The following SAMD4B variants were observed in gnomAD, a reference collection of about 807,000 sequenced individuals.
The protein encoded by SAMD4B is sterile alpha motif domain containing 4B, also known as protein Smaug homolog 2.
SAMD4B carries 5 observed loss-of-function variants against 74.5 expected under a neutral mutation model. That is an observed-to-expected ratio of 0.07 (90% confidence interval 0.04 to 0.14). SAMD4B has a LOEUF of 0.14. SAMD4B is among the 10% of genes least tolerant of loss of function. SAMD4B has a pLI of 1.00. For synonymous variants in SAMD4B, 373 were observed against 374.9 expected (o/e 1.00, Z 0.06); for missense variants, 608 against 921.8 (o/e 0.66, Z 4.41).
At chr19:39,377,460 C>T in intron 7 of SAMD4B, 25 bp from the exon 8 acceptor site, 5 of 1,535,260 alleles carry the variant, frequency 3.3e-6, no homozygotes, top group Non-Finnish European at 4.4e-6. Flanking sequence ...CTGCATGTGA[C>T]CCCAGCCTGT....
intron 1 of SAMD4B, among the ~76,000 whole-genome samples, chr19:39,346,033 A>C (rs1279736052): frequency 6.6e-6 from 1 of 152,010 alleles, no homozygotes; most frequent in African/African-American, 2.4e-5. Flanking sequence ...AGCCCCTCTC[A>C]GCTGCTAAGT....
chr19:39,389,300 T>C (rs1433937056), downstream of SAMD4B: 6 of 1,613,380 alleles, frequency 3.7e-6, no homozygotes, highest in African/African-American at 1.3e-5. The surrounding 1 kb of genome is among the most constrained non-coding windows in gnomAD (Gnocchi z 5.3). Context: ...AGGCTTCTCA[T>C]TGGAGATGCC....
downstream of SAMD4B, among the ~76,000 whole-genome samples, chr19:39,387,783 G>C (rs1341542333): frequency 6.6e-6 from 1 of 152,222 alleles, no homozygotes; most frequent in Non-Finnish European, 1.5e-5. Flanking sequence ...CATGAAGTCT[G>C]TTACTAATAC....
intron 1 of SAMD4B, among the ~76,000 whole-genome samples, chr19:39,344,423 A>G (rs978311605): frequency 2.0e-5 from 3 of 152,118 alleles, no homozygotes; most frequent in Non-Finnish European, 1.5e-5. Flanking sequence ...CAGTCTCAGA[A>G]GACCACACCT....
In SAMD4B at chr19:39,383,777, C is replaced by A. The variant is rs1393447962; in HGVS notation, c.*250C>A. On this transcript the variant is annotated 3_prime_UTR_variant, in exon 14 of 14. Transcript: ENST00000610417. This position sits in a 1 kb window ranked among gnomAD's most constrained non-coding sequence, Gnocchi z 4.1. ...CCAGGATAAAGGGGGCAGGGACTGG[C>A]CAGACTGCCTGCCTCTCTCCTTTCC... 7 of 1,422,004 alleles carry A rather than the reference C, an allele frequency of 4.9e-6. No homozygotes were observed. Among genetic ancestry groups the A allele is most frequent in the Non-Finnish European group, 6.7e-6 (7 of 1,047,824 alleles). 88.1% of individuals were successfully genotyped at this position (1,422,004 alleles called of 1,614,324 possible).
chr19:39,377,896 A>T (rs553216568), intron 8 of SAMD4B, 72 bp downstream of exon 8: 2 of 1,418,718 alleles, frequency 1.4e-6, no homozygotes, highest in Admixed American at 2.1e-5. Flanking sequence ...CAGGGATCAA[A>T]TCCAAGTTCG....
intron 10 of SAMD4B, among the ~76,000 whole-genome samples, chr19:39,380,307 A>G (rs1186221499): frequency 6.6e-6 from 1 of 152,220 alleles, no homozygotes; most frequent in Non-Finnish European, 1.5e-5. Flanking sequence ...CCTCGCCTGT[A>G]TGCAGAGGGC....
Position 39,375,771 on chromosome 19 carries a change from C to G in SAMD4B, c.789C>G (p.Thr263=), listed in dbSNP as rs1024448088. 1 of 1,614,020 alleles carries G rather than the reference C, an allele frequency of 6.2e-7. No individual in the cohort carries two copies. Among genetic ancestry groups the G allele is most frequent in the Non-Finnish European group, 8.5e-7 (1 of 1,180,036 alleles). Residue 263 remains threonine (T), a synonymous_variant, in exon 5 of 14, where the codon ACC becomes ACG. Transcript: ENST00000610417. This position sits in a 1 kb window ranked among gnomAD's most constrained non-coding sequence, Gnocchi z 4.1. The part of the protein sequence containing the change: ...PEELGARAAF[T]TPDHAPLSPQ... ...AGCTTGGGGCCCGGGCTGCTTTTAC[C>G]ACGCCCGATCACGCACCTCTCTCGC...
In SAMD4B at chr19:39,383,477, C is replaced by G. The variant is rs2078127736; in HGVS notation, c.2057-22C>G. On this transcript the variant is annotated intron_variant, in intron 13 of 13. Transcript: ENST00000610417. The surrounding 1 kb of genome is among the most constrained non-coding windows in gnomAD (Gnocchi z 4.1). ...TCCCTCCAGCTCCTGATCTTCCTCCCTTCCTCCCTTTCTTACCACAGATGG... is the reference window on the plus strand; with the variant it reads ...TCCCTCCAGCTCCTGATCTTCCTCCGTTCCTCCCTTTCTTACCACAGATGG... The G allele has an allele frequency of 6.2e-7, 1 of 1,613,076 alleles. No homozygotes were observed. The highest frequency in any genetic ancestry group is 8.5e-7 in the Non-Finnish European group (1 of 1,179,036).
Position 39,375,584 on chromosome 19 carries a change from AG to A in SAMD4B, c.668-61del, listed in dbSNP as rs1368838477. The stretch of plus-strand genomic sequence containing the variant: ...AAACTGCCATCCTGGCACTGACGGC[AG>A]GGGGATGGTCTCCTGTGGTTGGGTC... On this transcript the variant is annotated intron_variant, in intron 4 of 13. Transcript: ENST00000610417. The surrounding 1 kb of genome is among the most constrained non-coding windows in gnomAD (Gnocchi z 4.1). 6 of 1,559,732 alleles carry A rather than the reference AG, an allele frequency of 3.8e-6. No homozygotes were observed. The East Asian group carries it at 1.4e-4, about 35-fold the overall frequency.
intron 3 of SAMD4B, among the ~76,000 whole-genome samples, chr19:39,360,399 A>G (rs1220460662): frequency 2.0e-5 from 3 of 152,186 alleles, no homozygotes; most frequent in Non-Finnish European, 4.4e-5. Context: ...CCATAGCCCC[A>G]TATCAGATGG....
At chr19:39,376,312 C>A in intron 5 of SAMD4B, 125 bp from the exon 6 acceptor site, 1 of 730,800 alleles carries the variant, frequency 1.4e-6, no homozygotes, top group Non-Finnish European at 2.3e-6. Context: ...CCTTAGCTCC[C>A]CCCAACCCCC....
intron 1 of SAMD4B, among the ~76,000 whole-genome samples, chr19:39,342,853 C>T (rs1454743240): frequency 6.6e-6 from 1 of 151,854 alleles, no homozygotes; most frequent in Non-Finnish European, 1.5e-5. Flanking sequence ...GGCCGGGGGC[C>T]TCTCCTCAGG....
intron 1 of SAMD4B, among the ~76,000 whole-genome samples, chr19:39,353,500 T>A (rs1053970322): frequency 1.3e-5 from 2 of 152,172 alleles, no homozygotes; most frequent in Non-Finnish European, 2.9e-5. Context: ...GGCTTTTTTT[T>A]AATTTAAAAA....
chr19:39,388,615 A>G (rs114633094), downstream of SAMD4B: 138 of 1,614,036 alleles, frequency 8.6e-5, no homozygotes, highest in African/African-American at 1.3e-3. Context: ...CGTTTCTTCA[A>G]CGTCTCTTCT....
At chr19:39,344,874 T>G (rs1441846848) in intron 1 of SAMD4B, among the ~76,000 whole-genome samples, 1 of 152,176 alleles carries the variant, frequency 6.6e-6, no homozygotes, top group Non-Finnish European at 1.5e-5. Flanking sequence ...CAAGAGACCC[T>G]TAACACCCTC....
chr19:39,357,909 G>T (rs1026164585), intron 3 of SAMD4B, among the ~76,000 whole-genome samples: 1 of 152,226 alleles, frequency 6.6e-6, no homozygotes, highest in African/African-American at 2.4e-5. Flanking sequence ...TTCTTCTTCA[G>T]AATAATAGTT....
intron 9 of SAMD4B, among the ~76,000 whole-genome samples, chr19:39,379,590 A>C (rs983733828): frequency 1.3e-5 from 2 of 152,018 alleles, no homozygotes; most frequent in Non-Finnish European, 2.9e-5. Context: ...TTTTTTTTGG[A>C]AACAGAGTCT....
downstream of SAMD4B, chr19:39,389,260 T>A: frequency 1.2e-6 from 2 of 1,610,886 alleles, no homozygotes; most frequent in Non-Finnish European, 1.7e-6. This position sits in a 1 kb window ranked among gnomAD's most constrained non-coding sequence, Gnocchi z 5.3. Flanking sequence ...CCACCTTCCC[T>A]CTCTTCCTGT....
Sources: gnomAD v4.1 joint callset for allele counts (sites outside exome capture counted in the v4.1 genomes callset) on GRCh38, gnomAD v4.1.1 for gene constraint, Gnocchi (gnomAD v3.1) non-coding constraint, MANE v1.5 for transcripts, NCBI Gene and HGNC (gene_info 2026-07-23, HGNC 2026-07-21) for gene names.